Variants in KANK1 observed in about 807,000 individuals in gnomAD.
The protein encoded by KANK1 is KN motif and ankyrin repeat domain-containing protein 1.
In KANK1, 109 loss-of-function variants were observed where a neutral mutation model predicts 106.2. The observed-to-expected ratio is 1.03, with a 90% CI of 0.88 to 1.20. The LOEUF (loss-of-function observed/expected upper bound fraction) is 1.20, where lower values mean the gene tolerates loss of function less well. KANK1 is among the 50% of genes most tolerant of loss of function. KANK1 has a pLI of 0.00. For synonymous variants in KANK1, 873 were observed against 652.2 expected (o/e 1.34, Z -5.16); for missense variants, 2,399 against 1,710.7 (o/e 1.40, Z -7.10).
intron 1 of KANK1, among the ~76,000 whole-genome samples, chr9:519,431 T>C (rs1213471526): frequency 6.7e-6 from 1 of 148,948 alleles, no homozygotes; most frequent in Non-Finnish European, 1.5e-5. Context: ...AGAGGAGTCT[T>C]AACTTTGGGT....
chr9:723,349 G>A (rs1336831801), intron 3 of KANK1, among the ~76,000 whole-genome samples: 1 of 152,208 alleles, frequency 6.6e-6, no homozygotes, highest in African/African-American at 2.4e-5. Context: ...CTATCTGGAA[G>A]GGGTGGGAGG....
chr9:512,365 A>G (rs1305554619), intron 1 of KANK1, among the ~76,000 whole-genome samples: 2 of 152,144 alleles, frequency 1.3e-5, no homozygotes, highest in African/African-American at 4.8e-5. Context: ...AGGAGAGTCT[A>G]GAAGAAGACT....
At chr9:566,046 C>A (rs1222875878) in intron 1 of KANK1, among the ~76,000 whole-genome samples, 1 of 152,198 alleles carries the variant, frequency 6.6e-6, no homozygotes, top group Non-Finnish European at 1.5e-5. Flanking sequence ...GCTGCAGTGT[C>A]TGTTGTTGTC....
intron 1 of KANK1, among the ~76,000 whole-genome samples, chr9:646,653 T>A (rs1333864865): frequency 6.6e-6 from 1 of 150,628 alleles, no homozygotes. Context: ...CTGGACAGTT[T>A]ATAGAGCAGT....
chr9:632,196 C>A lies in KANK1; in HGVS notation c.-83-44694C>A, dbSNP rs1288393945. ...CTTTTGAAGTCAGAATTCATATTTT[C>A]CTTTAACATCAGATATTGGCAGCCA... is the stretch of plus-strand genomic sequence containing the variant. On this transcript the variant is annotated intron_variant, in intron 1 of 11. Transcript: ENST00000382297. Among the ~76,000 whole-genome samples the A allele has an allele frequency of 2.0e-5, 3 of 152,100 alleles. No individual in the cohort carries two copies. In the South Asian group the frequency reaches 6.2e-4, roughly 32 times the overall value.
At chr9:586,374 G>C (rs545586943) in intron 1 of KANK1, among the ~76,000 whole-genome samples, 1 of 152,214 alleles carries the variant, frequency 6.6e-6, no homozygotes, top group South Asian at 2.1e-4. Context: ...GTGATCTGCA[G>C]AGGGTCCAAG....
intron 1 of KANK1, among the ~76,000 whole-genome samples, chr9:535,900 A>C (rs73639343): frequency 0.026 from 4,030 of 152,288 alleles, 175 homozygotes; most frequent in African/African-American, 0.09. Context: ...CATGTTCCTC[A>C]AAATTCTTCC....
chr9:736,104 T>C (rs1242935563), intron 7 of KANK1, among the ~76,000 whole-genome samples: 2 of 152,072 alleles, frequency 1.3e-5, no homozygotes, highest in Admixed American at 6.5e-5. Context: ...ACTACCGGCG[T>C]CCACCACAAC....
At chr9:607,057 A>T (rs1829381708) in intron 1 of KANK1, among the ~76,000 whole-genome samples, 1 of 151,744 alleles carries the variant, frequency 6.6e-6, no homozygotes, top group South Asian at 2.1e-4. Flanking sequence ...TTCTTGGGTT[A>T]TTCTTTAAAA....
intron 7 of KANK1, among the ~76,000 whole-genome samples, chr9:735,484 T>C (rs1352537452): frequency 6.6e-6 from 1 of 152,200 alleles, no homozygotes; most frequent in Non-Finnish European, 1.5e-5. Context: ...TATTCTCATG[T>C]GTCGAAGTTA....
At chr9:701,059 TCACTTGAG>T (rs1274225599) in intron 2 of KANK1, among the ~76,000 whole-genome samples, 2 of 152,156 alleles carry the variant, frequency 1.3e-5, no homozygotes, top group African/African-American at 4.8e-5. Flanking sequence ...GCATTTTTTA[TCACTTGAG>T]CACTTGAGCG....
chr9:542,753 A>C (rs1291205937), intron 1 of KANK1, among the ~76,000 whole-genome samples: 1 of 152,216 alleles, frequency 6.6e-6, no homozygotes. Flanking sequence ...ATTTGCAGCA[A>C]TATAGATGAA....
chr9:531,794 T>A (rs1203488880), intron 1 of KANK1, among the ~76,000 whole-genome samples: 1 of 152,232 alleles, frequency 6.6e-6, no homozygotes, highest in African/African-American at 2.4e-5. Flanking sequence ...GCGTCTGTCC[T>A]CACTGTTACT....
chr9:563,088 C>G (rs918961739), intron 1 of KANK1, among the ~76,000 whole-genome samples: 3 of 152,058 alleles, frequency 2.0e-5, no homozygotes, highest in Non-Finnish European at 4.4e-5. Context: ...AGATCAAGTA[C>G]TCTTTTTTGG....
intron 1 of KANK1, among the ~76,000 whole-genome samples, chr9:537,816 G>A (rs915018618): frequency 3.3e-5 from 5 of 152,224 alleles, no homozygotes; most frequent in Non-Finnish European, 7.3e-5. Flanking sequence ...ACAACAAAGA[G>A]TTATAGAATG....
At position 526,872 on chromosome 9, in the gene KANK1, G is replaced by C. The variant is rs142181356; in HGVS notation, c.-84+22118G>C. Among the ~76,000 whole-genome samples, 11 of 151,768 alleles carry C rather than the reference G, an allele frequency of 7.2e-5. No homozygotes were observed. The East Asian group carries it at 1.9e-3, about 27-fold the overall frequency. On this transcript the variant is annotated intron_variant, in intron 1 of 11. Transcript: ENST00000382297. ...TATTTACTTTCCTCACACTGTGGAA[G>C]ATGAAGATATAACTCTTATGACTTC...
At chr9:706,667 G>T in intron 2 of KANK1, 1 of 523,014 alleles carries the variant, frequency 1.9e-6, no homozygotes, top group Non-Finnish European at 2.5e-6. Context: ...TTCATCAGTG[G>T]CAAAGGCTCA....
chr9:564,416 C>T (rs187806439), intron 1 of KANK1, among the ~76,000 whole-genome samples: 2 of 152,260 alleles, frequency 1.3e-5, no homozygotes, highest in African/African-American at 2.4e-5. Flanking sequence ...TCACCAGACA[C>T]CCTTATACAT....
intron 1 of KANK1, among the ~76,000 whole-genome samples, chr9:506,877 G>C (rs1424741500): frequency 1.3e-5 from 2 of 152,186 alleles, no homozygotes; most frequent in Admixed American, 6.5e-5. Context: ...GAGGACTGTT[G>C]AGATGGAATA....
Sources: gnomAD v4.1 joint callset for allele counts (sites outside exome capture counted in the v4.1 genomes callset) on GRCh38, gnomAD v4.1.1 for gene constraint, MANE v1.5 for transcripts, NCBI Gene and HGNC (gene_info 2026-07-23, HGNC 2026-07-21) for gene names.